BTBD2: variants seen among roughly 807,000 people sequenced by gnomAD.
BTBD2 encodes the protein BTB domain containing 2, also known as BTB/POZ domain-containing protein 2.
In BTBD2, 15 loss-of-function variants were observed where a neutral mutation model predicts 44.0. The observed-to-expected ratio is 0.34, with a 90% CI of 0.23 to 0.53. The LOEUF (loss-of-function observed/expected upper bound fraction) is 0.53, where lower values mean the gene tolerates loss of function less well. Among genes scored for constraint, BTBD2 ranks in the 20% least tolerant of loss-of-function variants. The probability of loss-of-function intolerance (pLI) is 0.95; values close to 1 mark genes in which losing one functional copy is unlikely to be tolerated. For synonymous variants in BTBD2, 443 were observed against 335.9 expected (o/e 1.32, Z -3.49); for missense variants, 657 against 746.4 (o/e 0.88, Z 1.39).
At chr19:2,003,945 C>T (rs1411383984) in intron 1 of BTBD2, among the ~76,000 whole-genome samples, 1 of 151,922 alleles carries the variant, frequency 6.6e-6, no homozygotes, top group Admixed American at 6.6e-5. Flanking sequence ...TACCTCCCTC[C>T]CAATCTGTCC....
intron 2 of BTBD2, among the ~76,000 whole-genome samples, chr19:1,997,086 A>G (rs955452307): frequency 6.6e-6 from 1 of 152,062 alleles, no homozygotes; most frequent in Non-Finnish European, 1.5e-5. Flanking sequence ...AGGTTGAGGC[A>G]GGAAAATCAC....
chr19:1,995,277 T>A (rs1468264919), intron 2 of BTBD2, among the ~76,000 whole-genome samples: 2 of 77,864 alleles, frequency 2.6e-5, no homozygotes, highest in African/African-American at 1.8e-4. Context: ...ATACTTTGGA[T>A]TCTTTTTTTT....
intron 1 of BTBD2, among the ~76,000 whole-genome samples, chr19:2,013,069 G>A (rs920716189): frequency 3.9e-5 from 6 of 152,210 alleles, no homozygotes; most frequent in African/African-American, 7.2e-5. Context: ...GGCACAAGCC[G>A]TAGGAGGCCC....
At chr19:2,013,497 G>A (rs1049806116) in intron 1 of BTBD2, 2 of 986,056 alleles carry the variant, frequency 2.0e-6, no homozygotes, top group Non-Finnish European at 1.2e-6. Context: ...CCTGGTGGCA[G>A]GGGATCATAG....
intron 5 of BTBD2, chr19:1,988,494 G>A (rs1461516337): frequency 2.6e-5 from 4 of 152,240 alleles, no homozygotes; most frequent in African/African-American, 9.7e-5. Context: ...TTTAATAACT[G>A]GTGAGAAACA....
In BTBD2 at chr19:1,986,898, G is replaced by A. The variant is rs369330763; in HGVS notation, c.1348C>T (p.Arg450Cys). The change falls in exon 8 of 9, where the codon CGC (arginine) becomes TGC (cysteine). Residue 450 changes from arginine to cysteine, a missense_variant. Around this residue, in one of 3 missense-constraint regions of BTBD2, gnomAD observed 449 missense variants for 510.9 expected, o/e 0.88. Transcript: ENST00000255608. ...TCCACCGGCTCCTTGAACATGACGC[G>A]GAAGGTGCTGGCTGAGCCGTCGCAG... is the stretch of plus-strand genomic sequence containing the variant. ...FSCDGSASTF[R>C]VMFKEPVEVL... 1.2e-5 allele frequency: 19 copies of A among 1,613,052 alleles called. No homozygotes were observed. Among genetic ancestry groups the A allele is most frequent in the Admixed American group, 8.3e-5 (5 of 59,986 alleles).
intron 1 of BTBD2, among the ~76,000 whole-genome samples, chr19:2,004,117 G>A (rs2016364240): frequency 6.6e-6 from 1 of 151,822 alleles, no homozygotes; most frequent in Non-Finnish European, 1.5e-5. Flanking sequence ...CCAGCTAAGA[G>A]TTTCCCCCCT....
At chr19:1,990,350 A>G in intron 4 of BTBD2, 149 bp from the exon 5 acceptor site, 1 of 822,130 alleles carries the variant, frequency 1.2e-6, no homozygotes, top group Non-Finnish European at 1.9e-6. Context: ...TGTGTTTATA[A>G]ATAAAGCTTT....
chr19:1,999,553 C>T (rs575905610), intron 1 of BTBD2, among the ~76,000 whole-genome samples: 16 of 151,982 alleles, frequency 1.1e-4, no homozygotes, highest in South Asian at 2.1e-4. Flanking sequence ...GCAATCCTAG[C>T]GACTCAGGAG....
intron 1 of BTBD2, among the ~76,000 whole-genome samples, chr19:2,001,478 C>CAGGCTTGTAGTTTTTGAGGTTTT (rs2016329788): frequency 6.6e-6 from 1 of 152,152 alleles, no homozygotes; most frequent in Non-Finnish European, 1.5e-5. Flanking sequence ...GGCTACAAGC[C>CAGGCTTGTAGTTTTTGAGGTTTT]TGAGACTCCA....
Position 2,015,691 on chromosome 19 carries a change from C to T in BTBD2, c.13G>A (p.Gly5Arg). 1 of 982,670 alleles carries T rather than the reference C, an allele frequency of 1.0e-6. No homozygotes were observed. Among genetic ancestry groups the T allele is most frequent in the Non-Finnish European group, 1.2e-6 (1 of 832,512 alleles). The allele number at this position is 982,670 out of a possible 1,614,324, so 60.9% of individuals were successfully genotyped here. Residue 5 changes from glycine to arginine, a missense_variant, in exon 1 of 9, where the codon GGG (glycine) becomes AGG (arginine). Coordinates refer to ENST00000255608, the MANE Select transcript of BTBD2 (RefSeq NM_017797.4). ...GGGCACGACGCACGCCCGCCGCTCC[C>T]ACCCGCCGCCATTTTGTGGCTGCGG... MAAG[G>R]SGGRASCPPG...
At chr19:1,992,653 C>T (rs1381873385) in intron 3 of BTBD2, among the ~76,000 whole-genome samples, 3 of 152,054 alleles carry the variant, frequency 2.0e-5, no homozygotes, top group Non-Finnish European at 4.4e-5. Flanking sequence ...CTCACTGCAA[C>T]CTCCACCTCC....
chr19:1,987,821 C>T, intron 5 of BTBD2, 129 bp from the exon 6 acceptor site: 2 of 962,056 alleles, frequency 2.1e-6, no homozygotes, highest in South Asian at 1.7e-5. Flanking sequence ...TGGGCAGCCC[C>T]TCCCCGGGGG....
Position 1,986,304 on chromosome 19 carries a change from C to T in BTBD2, c.*184G>A. On this transcript the variant is annotated 3_prime_UTR_variant, in exon 9 of 9. Coordinates refer to ENST00000255608, the MANE Select transcript of BTBD2 (RefSeq NM_017797.4). ...CACCTCCCCGGCTGCCCTGATCCAG[C>T]AGCCACACTCGTGGTGAACACAGGG... The T allele has an allele frequency of 2.8e-6, 2 of 724,254 alleles. No individual in the cohort carries two copies. The highest frequency in any genetic ancestry group is 4.5e-6 in the Non-Finnish European group (2 of 447,932). The allele number at this position is 724,254 out of a possible 1,614,324, so 44.9% of individuals were successfully genotyped here.
chr19:1,995,551 G>A (rs574045634), intron 2 of BTBD2, among the ~76,000 whole-genome samples: 216 of 151,916 alleles, frequency 1.4e-3, no homozygotes, highest in Admixed American at 3.8e-3. Flanking sequence ...CAAAGTGCTG[G>A]GATTACAGGC....
Position 2,015,512 on chromosome 19 carries a change from G to T in BTBD2, c.192C>A (p.Gly64=), listed in dbSNP as rs968373972. 1.0e-6 allele frequency: 1 copy of T among 986,376 alleles called. No homozygotes were observed. The highest frequency in any genetic ancestry group is 1.8e-5 in the African/African-American group (1 of 55,560). The allele number at this position is 986,376 out of a possible 1,614,324, so 61.1% of individuals were successfully genotyped here. A position where few individuals can be genotyped will look rare whatever the true frequency, so the allele number is the denominator to read the frequency against. ...APGPTPPAPP[G]PGTDAQAAGA... Reference sequence around the variant, plus strand: ...CCGCGGCCTGCGCGTCTGTCCCGGGGCCCGGCGGGGCGGGCGGCGTCGGCC... The same window carrying T: ...CCGCGGCCTGCGCGTCTGTCCCGGGTCCCGGCGGGGCGGGCGGCGTCGGCC... Residue 64 remains glycine (G), a synonymous_variant, in exon 1 of 9, where the codon GGC becomes GGA. Transcript: ENST00000255608.
chr19:1,986,946 C>T lies in BTBD2; in HGVS notation c.1300G>A (p.Gly434Ser), dbSNP rs1448599067. The change falls in exon 8 of 9, where the codon GGC becomes AGC. Residue 434 changes from glycine to serine, a missense_variant. Gly to Ser is a moderately conservative substitution (Grantham distance 56). Transcript: ENST00000255608. ...IIHTDSNTVL[G>S]QNDTGFSCDG... ...CAGCTGAAGCCCGTGTCGTTCTGGC[C>T]CAAGACGGTGTTGCTATCGGTGTGA... 1.9e-6 allele frequency: 3 copies of T among 1,613,170 alleles called. No homozygotes were observed. Among genetic ancestry groups the T allele is most frequent in the East Asian group, 2.2e-5 (1 of 44,866 alleles).
Position 1,986,524 on chromosome 19 carries a change from C to T in BTBD2, c.1542G>A (p.Glu514=), listed in dbSNP as rs2016085035. The change falls in exon 9 of 9, where the codon GAG becomes GAA. Residue 514 remains glutamate, a synonymous_variant. Transcript: ENST00000255608. ...AGATGACCTCGGGGATCTGGCCGTC[C>T]TCCACGGATGTGCCATTGTTGTTCC... ...AAGNNNGTSV[E]DGQIPEVIFY... 1 of 1,614,038 alleles carries T rather than the reference C, an allele frequency of 6.2e-7. No homozygotes were observed. Among genetic ancestry groups the T allele is most frequent in the Non-Finnish European group, 8.5e-7 (1 of 1,179,960 alleles).
Position 2,015,347 on chromosome 19 carries a change from C to G in BTBD2, c.357G>C (p.Val119=), listed in dbSNP as rs372228895. The change falls in exon 1 of 9, where the codon GTG becomes GTC. Residue 119 remains valine (V), a synonymous_variant. Coordinates refer to ENST00000255608, the MANE Select transcript of BTBD2 (RefSeq NM_017797.4). ...FLFNNEVLCD[V]HFLVGKGLSS... is the part of the protein sequence containing the mutation. ...TGAGCCCCTTGCCCACCAGGAAGTG[C>G]ACGTCGCACAGCACCTCGTTGTTGA... 1.3e-6 allele frequency: 2 copies of G among 1,584,310 alleles called. No individual in the cohort carries two copies. The highest frequency in any genetic ancestry group is 1.7e-6 in the Non-Finnish European group (2 of 1,172,578).
Sources: gnomAD v4.1 joint callset for allele counts (sites outside exome capture counted in the v4.1 genomes callset) on GRCh38, gnomAD v4.1.1 for gene constraint, gnomAD v4.1.1 regional missense constraint, MANE v1.5 for transcripts, NCBI Gene and HGNC (gene_info 2026-07-23, HGNC 2026-07-21) for gene names.